Variants in PACRG observed in about 807,000 individuals in gnomAD.
PACRG encodes parkin coregulated, also known as parkin coregulated gene protein.
A neutral mutation model predicts 29.7 loss-of-function variants in PACRG; 29 were observed. That is an observed-to-expected ratio of 0.98 (90% CI 0.73 to 1.33). The LOEUF (loss-of-function observed/expected upper bound fraction) is 1.33, where lower values mean the gene tolerates loss of function less well. PACRG is among the 40% of genes most tolerant of loss of function. The probability of loss-of-function intolerance (pLI) is 0.00; values close to 1 mark genes in which losing one functional copy is unlikely to be tolerated. For synonymous variants in PACRG, 116 were observed against 118.7 expected, an observed-to-expected ratio of 0.98 and a Z score of 0.15; for missense variants, 279 against 316.2, an observed-to-expected ratio of 0.88 and a Z score of 0.89.
intron 2 of PACRG, among the ~76,000 whole-genome samples, chr6:162,814,756 G>C (rs1178610544): frequency 1.3e-5 from 2 of 152,212 alleles, no homozygotes; most frequent in East Asian, 1.9e-4. Flanking sequence ...TCCCAATCCT[G>C]GCTCTCCTCT....
At chr6:162,763,345 C>T (rs1782528655) in intron 1 of PACRG, among the ~76,000 whole-genome samples, 1 of 152,180 alleles carries the variant, frequency 6.6e-6, no homozygotes, top group Admixed American at 6.5e-5. Context: ...AGACCGCTGT[C>T]AGGTCACCTG....
At chr6:163,279,015 T>C (rs1784143318) in intron 4 of PACRG, among the ~76,000 whole-genome samples, 1 of 152,162 alleles carries the variant, frequency 6.6e-6, no homozygotes, top group Admixed American at 6.5e-5. Context: ...CTTTCAGCAG[T>C]GTTTTGTAGT....
intron 3 of PACRG, among the ~76,000 whole-genome samples, chr6:163,074,439 G>T (rs1812356651): frequency 6.6e-6 from 1 of 152,152 alleles, no homozygotes; most frequent in Non-Finnish European, 1.5e-5. Flanking sequence ...AGTAAGCGGG[G>T]ATGGTTAGAA....
chr6:162,955,254 C>T (rs1053801718), intron 2 of PACRG, among the ~76,000 whole-genome samples: 1 of 151,868 alleles, frequency 6.6e-6, no homozygotes. Context: ...TTCAAATTCC[C>T]CTAATGGTTT....
chr6:163,163,331 G>T (rs1778645987), intron 4 of PACRG, among the ~76,000 whole-genome samples: 1 of 152,136 alleles, frequency 6.6e-6, no homozygotes, highest in Non-Finnish European at 1.5e-5. Context: ...GAGTGCAGTG[G>T]CATGATCTCG....
intron 2 of PACRG, among the ~76,000 whole-genome samples, chr6:162,903,084 A>G (rs1795668251): frequency 6.6e-6 from 1 of 152,162 alleles, no homozygotes; most frequent in Non-Finnish European, 1.5e-5. Context: ...CTACCTTTTA[A>G]TTAAAGGAAA....
intron 1 of PACRG, among the ~76,000 whole-genome samples, chr6:162,786,002 C>T (rs565921934): frequency 7.2e-5 from 11 of 152,302 alleles, no homozygotes; most frequent in South Asian, 2.1e-4. Flanking sequence ...AGAGTAATTG[C>T]GCAAGGTCTT....
At chr6:162,951,028 A>G (rs1234270265) in intron 2 of PACRG, among the ~76,000 whole-genome samples, 2 of 152,176 alleles carry the variant, frequency 1.3e-5, no homozygotes, top group Non-Finnish European at 2.9e-5. Flanking sequence ...CTTCAGGTGA[A>G]ATTGAATCTT....
intron 2 of PACRG, among the ~76,000 whole-genome samples, chr6:162,874,507 A>G (rs1481101645): frequency 1.3e-5 from 2 of 152,176 alleles, no homozygotes; most frequent in Admixed American, 1.3e-4. Context: ...CAGACTGGGA[A>G]ATGCCTAGTC....
intron 2 of PACRG, among the ~76,000 whole-genome samples, chr6:162,950,578 A>C (rs1404667986): frequency 6.6e-6 from 1 of 152,184 alleles, no homozygotes; most frequent in Non-Finnish European, 1.5e-5. Context: ...AGTGAATTTC[A>C]TGCCTTCTCA....
chr6:163,204,948 A>C (rs190133748), intron 4 of PACRG, among the ~76,000 whole-genome samples: 1 of 152,212 alleles, frequency 6.6e-6, no homozygotes, highest in Admixed American at 6.5e-5. Flanking sequence ...GAGCCAAATC[A>C]AGAACACAAT....
chr6:162,925,945 C>T (rs982226033), intron 2 of PACRG, among the ~76,000 whole-genome samples: 3 of 152,090 alleles, frequency 2.0e-5, no homozygotes, highest in African/African-American at 7.2e-5. Context: ...TGATATGCAA[C>T]TTCAGCAAAG....
chr6:162,800,465 T>C (rs1249378881), intron 1 of PACRG, among the ~76,000 whole-genome samples: 2 of 152,226 alleles, frequency 1.3e-5, no homozygotes, highest in African/African-American at 4.8e-5. Flanking sequence ...CCACAGTTTA[T>C]CTATAAATTT....
At chr6:163,264,269 A>G (rs1240345653) in intron 4 of PACRG, among the ~76,000 whole-genome samples, 1 of 152,182 alleles carries the variant, frequency 6.6e-6, no homozygotes, top group Non-Finnish European at 1.5e-5. Flanking sequence ...TTGTTTCTGC[A>G]CTGGGCAAGG....
intron 4 of PACRG, chr6:163,183,457 GA>G (rs1370288301): frequency 6.6e-6 from 1 of 152,208 alleles, no homozygotes; most frequent in African/African-American, 2.4e-5. Flanking sequence ...AACAGATGAA[GA>G]GTGTGTGTTG....
intron 2 of PACRG, among the ~76,000 whole-genome samples, chr6:162,842,523 A>T (rs1293947096): frequency 6.6e-6 from 1 of 151,764 alleles, no homozygotes; most frequent in Non-Finnish European, 1.5e-5. Context: ...TGAATACAGC[A>T]CACTGATGGG....
At chr6:163,171,809 G>T (rs1333652765) in intron 4 of PACRG, among the ~76,000 whole-genome samples, 3 of 152,150 alleles carry the variant, frequency 2.0e-5, no homozygotes, top group Non-Finnish European at 4.4e-5. Flanking sequence ...TCGGGACCCT[G>T]GACTGCAGCT....
In PACRG at chr6:163,256,877, G is replaced by A. The variant is rs976322197; in HGVS notation, c.614-57950G>A. Among the ~76,000 whole-genome samples, 6 of 152,174 alleles carry A rather than the reference G, an allele frequency of 3.9e-5. No homozygotes were observed. The East Asian group carries it at 1.2e-3, about 29-fold the overall frequency. On this transcript the variant is annotated intron_variant, in intron 4 of 4. Transcript: ENST00000366888. ...CAGAGGCCAAAAGTCCGAAATCAAG[G>A]TGTTGGCCATGTCGTTTCCTTCGAG...
At chr6:162,871,778 C>T (rs1437715304) in intron 2 of PACRG, among the ~76,000 whole-genome samples, 2 of 151,792 alleles carry the variant, frequency 1.3e-5, no homozygotes, top group Admixed American at 6.6e-5. Context: ...ATTAGCTGGG[C>T]GTGGTAGCAG....
Sources: gnomAD v4.1 joint callset for allele counts (sites outside exome capture counted in the v4.1 genomes callset) on GRCh38, gnomAD v4.1.1 for gene constraint, MANE v1.5 for transcripts, NCBI Gene and HGNC (gene_info 2026-07-23, HGNC 2026-07-21) for gene names.